Variants in POGZ observed in about 807,000 individuals in gnomAD.
The protein encoded by POGZ is pogo transposable element with ZNF domain.
A neutral mutation model predicts 134.6 loss-of-function variants in POGZ; 17 were observed. The ratio of observed to expected loss-of-function variants is 0.13; its 90% CI spans 0.09 to 0.19. The LOEUF is 0.19. POGZ is among the 10% of genes least tolerant of loss of function. The probability of loss-of-function intolerance (pLI) is 1.00; values close to 1 mark genes in which losing one functional copy is unlikely to be tolerated. For missense variants in POGZ, 1,306 were observed against 1,769.7 expected (o/e 0.74, Z 4.70); for synonymous variants, 693 against 657.1 (o/e 1.05, Z -0.84).
chr1:151,424,468 C>T (rs779646691), intron 8 of POGZ, 182 bp from the exon 9 acceptor site: 2 of 508,064 alleles, frequency 3.9e-6, no homozygotes, highest in Non-Finnish European at 6.9e-6. Flanking sequence ...CCACATATGC[C>T]ACCCAAGCGC....
chr1:151,457,857 GC>G (rs1013421300), intron 1 of POGZ, among the ~76,000 whole-genome samples: 9 of 151,996 alleles, frequency 5.9e-5, no homozygotes, highest in African/African-American at 2.2e-4. Flanking sequence ...AACCCGGCAG[GC>G]GGAGGTTGCA....
chr1:151,438,337 G>A (rs1358042931), intron 3 of POGZ, among the ~76,000 whole-genome samples: 2 of 151,948 alleles, frequency 1.3e-5, no homozygotes, highest in Non-Finnish European at 2.9e-5. Context: ...GCTTATCTAT[G>A]GATGAATTTT....
At chr1:151,440,360 C>T (rs912223205) in intron 3 of POGZ, among the ~76,000 whole-genome samples, 7 of 151,788 alleles carry the variant, frequency 4.6e-5, no homozygotes, top group Admixed American at 2.6e-4. Flanking sequence ...AACTGGTCAA[C>T]AACTCATCTT....
chr1:151,407,676 CAT>C (rs1167574063), intron 15 of POGZ, among the ~76,000 whole-genome samples: 2 of 152,116 alleles, frequency 1.3e-5, no homozygotes, highest in Admixed American at 1.3e-4. Flanking sequence ...AAGGAGGAAA[CAT>C]ATTAGAAGCA....
chr1:151,432,891 T>C (rs187026203), intron 3 of POGZ, among the ~76,000 whole-genome samples: 96 of 152,304 alleles, frequency 6.3e-4, no homozygotes, highest in African/African-American at 2.3e-3. Flanking sequence ...TTTGTCTGAA[T>C]CCAGTTACAA....
intron 3 of POGZ, 102 bp downstream of exon 3, chr1:151,440,826 C>T: frequency 1.1e-6 from 1 of 883,670 alleles, no homozygotes; most frequent in Non-Finnish European, 1.8e-6. Context: ...ACTAGTAGAA[C>T]CACATCTGTA....
In POGZ at chr1:151,412,352, A is replaced by G. The variant is rs1364153235; in HGVS notation, c.1723T>C (p.Phe575Leu). Residue 575 changes from phenylalanine (F) to leucine (L), a missense_variant, in exon 11 of 19, where the codon TTT becomes CTT. By Grantham distance (22) the Phe-to-Leu change is conservative. Around this residue, in one of 10 missense-constraint regions of POGZ, gnomAD observed 149 missense variants for 237.5 expected, o/e 0.63. Transcript: ENST00000271715. ...CEWAFESEPL[F>L]LQHMKDTHKP... ...TGAGTATCCTTCATATGCTGGAGAA[A>G]TAGTGGCTCACTTTCAAACGCCCAT... The G allele has an allele frequency of 6.2e-7, 1 of 1,611,434 alleles. No individual in the cohort carries two copies. The highest frequency in any genetic ancestry group is 8.5e-7 in the Non-Finnish European group (1 of 1,177,864).
Position 151,424,135 on chromosome 1 carries a change from G to A in POGZ, c.1337C>T (p.Pro446Leu), listed in dbSNP as rs774923574. The stretch of plus-strand genomic sequence containing the variant: ...ATTTGGTTCTGGTACTTTGGTAGGC[G>A]GTGACAGAGCAGGAATAGGTGTAGA... ...PSSTPIPALS[P>L]PTKVPEPNEN... Residue 446 changes from proline to leucine, a missense_variant, in exon 9 of 19, where the codon CCG (proline) becomes CTG (leucine). By Grantham distance (98) the Pro-to-Leu change is moderately conservative (BLOSUM62 -3). Coordinates refer to ENST00000271715, the MANE Select transcript of POGZ (RefSeq NM_015100.4). 9.3e-6 allele frequency: 15 copies of A among 1,614,000 alleles called. No individual in the cohort carries two copies. Among genetic ancestry groups the A allele is most frequent in the African/African-American group, 2.7e-5 (2 of 74,904 alleles).
At position 151,406,935 on chromosome 1, in the gene POGZ, T is replaced by G. The variant is rs1230926955; in HGVS notation, c.2521A>C (p.Arg841=). The part of the protein sequence containing the change: ...AKHLVFNPSH[R]SSSILPRGLT... The stretch of plus-strand genomic sequence containing the variant: ...CCCCGTGGCAGGATGCTGCTGGATC[T>G]GTGAGAGGGGTTGAATACCAAATGC... Residue 841 remains arginine, a synonymous_variant, in exon 17 of 19, where the codon AGA becomes CGA. Transcript: ENST00000271715. 3.1e-6 allele frequency: 5 copies of G among 1,613,818 alleles called. No individual in the cohort carries two copies. Among genetic ancestry groups the G allele is most frequent in the Non-Finnish European group, 4.2e-6 (5 of 1,179,680 alleles).
intron 1 of POGZ, 119 bp from the exon 2 acceptor site, chr1:151,442,324 A>G: frequency 1.4e-6 from 1 of 717,712 alleles, no homozygotes; most frequent in Non-Finnish European, 2.2e-6. Flanking sequence ...CTCCTTTATC[A>G]TATCCTCTAG....
chr1:151,417,968 A>T (rs1571395946), intron 10 of POGZ, among the ~76,000 whole-genome samples: 1 of 152,126 alleles, frequency 6.6e-6, no homozygotes, highest in South Asian at 2.1e-4. Context: ...TGAATAAAGA[A>T]GATGTGGTGG....
At position 151,430,703 on chromosome 1, in the gene POGZ, G is replaced by C. The variant is rs760323321; in HGVS notation, c.422C>G (p.Ser141Cys). 1 of 1,609,354 alleles carries C rather than the reference G, an allele frequency of 6.2e-7. No homozygotes were observed. Among genetic ancestry groups the C allele is most frequent in the South Asian group, 1.1e-5 (1 of 90,874 alleles). ...AAATATTGGTTGTGAGGCCACAGGG[G>C]AACTAGTCACATGATTGGCATTCTG... ...VMQNANHVTS[S>C]PVASQPIFIT... Residue 141 changes from serine (S) to cysteine (C), a missense_variant, in exon 4 of 19, where the codon TCC (serine) becomes TGC (cysteine). Ser to Cys is a moderately radical substitution (Grantham distance 112). This residue lies in a region of POGZ where 541 missense variants were observed against 680.5 expected (regional missense o/e 0.80). Coordinates refer to ENST00000271715, the MANE Select transcript of POGZ (RefSeq NM_015100.4).
intron 10 of POGZ, among the ~76,000 whole-genome samples, chr1:151,419,852 GATCA>G (rs1186965007): frequency 2.0e-5 from 3 of 151,986 alleles, no homozygotes; most frequent in African/African-American, 7.2e-5. Context: ...AGAGAAAAAA[GATCA>G]ATGAGGGTCT....
In POGZ at chr1:151,405,172, G is replaced by A. The variant is rs149655055; in HGVS notation, c.3863C>T (p.Ala1288Val). Residue 1288 changes from alanine to valine, a missense_variant, in exon 19 of 19, where the codon GCA becomes GTA. Ala to Val is a moderately conservative substitution (Grantham distance 64, BLOSUM62 0). This residue lies in a region of POGZ where 67 missense variants were observed against 105.8 expected (regional missense o/e 0.63). Coordinates refer to ENST00000271715, the MANE Select transcript of POGZ (RefSeq NM_015100.4). The surrounding 1 kb of genome is among the most constrained non-coding windows in gnomAD (Gnocchi z 4.9). Reference protein sequence around the residue: ...KKWKEQAREMADTACDSDVLL... With the variant: ...KKWKEQAREMVDTACDSDVLL... Reference sequence around the variant, plus strand: ...GACATCAGAATCACATGCAGTATCTGCCATTTCCCGAGCCTGTTCCTTCCA... The same window carrying A: ...GACATCAGAATCACATGCAGTATCTACCATTTCCCGAGCCTGTTCCTTCCA... The A allele has an allele frequency of 1.1e-4, 179 of 1,614,032 alleles. No individual in the cohort carries two copies. The highest frequency in any genetic ancestry group is 1.2e-4 in the Non-Finnish European group (136 of 1,180,000).
intron 3 of POGZ, among the ~76,000 whole-genome samples, chr1:151,438,738 C>T (rs1489565586): frequency 6.6e-6 from 1 of 152,086 alleles, no homozygotes; most frequent in African/African-American, 2.4e-5. Context: ...GTTAGCCAGG[C>T]ATGGTGGCAT....
chr1:151,453,336 C>T (rs1662371337), intron 1 of POGZ, among the ~76,000 whole-genome samples: 3 of 151,956 alleles, frequency 2.0e-5, no homozygotes, highest in African/African-American at 7.2e-5. Context: ...TACATTCCAC[C>T]TATCTCTTTG....
intron 10 of POGZ, among the ~76,000 whole-genome samples, chr1:151,422,194 T>C (rs980913414): frequency 6.6e-6 from 1 of 152,222 alleles, no homozygotes; most frequent in African/African-American, 2.4e-5. Context: ...TCTAAACCTT[T>C]CTTAAATTTA....
At chr1:151,421,754 T>C (rs537189078) in intron 10 of POGZ, among the ~76,000 whole-genome samples, 9 of 152,250 alleles carry the variant, frequency 5.9e-5, no homozygotes, top group African/African-American at 2.2e-4. Context: ...GATATTCTTA[T>C]TGTTTTCTTT....
chr1:151,423,594 T>A lies in POGZ; in HGVS notation c.1524-43A>T, dbSNP rs538046409. 2.0e-5 allele frequency: 30 copies of A among 1,495,802 alleles called. No homozygotes were observed. The South Asian group carries it at 3.1e-4, about 15-fold the overall frequency. 92.7% of individuals were successfully genotyped at this position (1,495,802 alleles called of 1,614,324 possible). A position where few individuals can be genotyped will look rare whatever the true frequency, so the allele number is the denominator to read the frequency against. Reference sequence around the variant, plus strand: ...GAGAAAGTACAGAAAACATAAAAAATTGGTAGCCTTTTAGAAATATAATGG... The same window carrying A: ...GAGAAAGTACAGAAAACATAAAAAAATGGTAGCCTTTTAGAAATATAATGG... On this transcript the variant is annotated intron_variant, in intron 9 of 18. Transcript: ENST00000271715.
Sources: allele counts gnomAD v4.1 joint callset (sites outside exome capture counted in the v4.1 genomes callset), GRCh38; gene constraint gnomAD v4.1.1; regional missense constraint gnomAD v4.1.1; non-coding constraint Gnocchi (gnomAD v3.1); transcripts MANE v1.5; gene names NCBI Gene and HGNC (gene_info 2026-07-23, HGNC 2026-07-21).